The following ADGRA1 variants were observed in gnomAD, a reference collection of about 807,000 sequenced individuals.
ADGRA1 encodes G-protein coupled receptor 123.
In ADGRA1, 12 loss-of-function variants were observed where a neutral mutation model predicts 21.3. That is an observed-to-expected ratio of 0.56 (90% confidence interval 0.36 to 0.91). ADGRA1 has a LOEUF of 0.91. Ranked by LOEUF, ADGRA1 falls within the 40% of genes least tolerant of loss-of-function variation. The pLI, the probability that ADGRA1 is intolerant of heterozygous loss-of-function variation, is 0.01. For synonymous variants in ADGRA1, 385 were observed against 368.8 expected, an observed-to-expected ratio of 1.04 and a Z score of -0.50; for missense variants, 790 against 805.6, an observed-to-expected ratio of 0.98 and a Z score of 0.23.
At chr10:133,106,658 C>T (rs1013486695) in intron 5 of ADGRA1, among the ~76,000 whole-genome samples, 6 of 152,244 alleles carry the variant, frequency 3.9e-5, no homozygotes, top group African/African-American at 7.2e-5. Context: ...TTCCCCGCAT[C>T]GGGGGTACGG....
intron 4 of ADGRA1, among the ~76,000 whole-genome samples, chr10:133,100,664 A>G (rs981491624): frequency 6.6e-6 from 1 of 152,230 alleles, no homozygotes; most frequent in African/African-American, 2.4e-5. Context: ...GCCTATCTCC[A>G]GATGCTGTCC....
At chr10:133,103,798 TC>T (rs906922291) in intron 5 of ADGRA1, among the ~76,000 whole-genome samples, 6 of 152,212 alleles carry the variant, frequency 3.9e-5, no homozygotes, top group Admixed American at 3.3e-4. Context: ...CTTTGGTGTT[TC>T]CTTTTCTGAA....
chr10:133,088,521 G>T, intron 1 of ADGRA1, 187 bp from the exon 2 acceptor site: 1 of 245,670 alleles, frequency 4.1e-6, no homozygotes, highest in Non-Finnish European at 7.6e-6. Context: ...CCGCTGGCGC[G>T]TTCGGTCCGA....
Position 133,129,490 on chromosome 10 carries a change from G to C in ADGRA1, c.1662G>C (p.Trp554Cys). Residue 554 changes from tryptophan (W) to cysteine (C), a missense_variant, in exon 7 of 7, where the codon TGG (tryptophan) becomes TGC (cysteine). Physicochemically the swap from Trp to Cys is radical, Grantham distance 215. Around this residue, in one of 3 missense-constraint regions of ADGRA1, gnomAD observed 391 missense variants for 351.5 expected, o/e 1.11. Coordinates refer to ENST00000392607, the MANE Select transcript of ADGRA1 (RefSeq NM_001083909.3). ...DGTGNIRTGP[W>C]KNETTV ...CCGGCAACATCCGAACGGGACCCTG[G>C]AAAAACGAAACTACTGTGTAGATGG... 2 of 1,596,312 alleles carry C rather than the reference G, an allele frequency of 1.3e-6. No homozygotes were observed. The highest frequency in any genetic ancestry group is 1.7e-6 in the Non-Finnish European group (2 of 1,178,512).
In ADGRA1 at chr10:133,097,004, T is replaced by A. The variant is rs918936758; in HGVS notation, c.34T>A (p.Tyr12Asn). 1 of 1,613,278 alleles carries A rather than the reference T, an allele frequency of 6.2e-7. No homozygotes were observed. The highest frequency in any genetic ancestry group is 1.7e-5 in the Admixed American group (1 of 59,994). Residue 12 changes from tyrosine to asparagine, a missense_variant, in exon 3 of 7, where the codon TAC (tyrosine) becomes AAC (asparagine). Tyr to Asn is a moderately radical substitution (Grantham distance 143, BLOSUM62 -2). Transcript: ENST00000392607. ...GAAGACAGTGCTCTCCCTGCCCCGCTACCCAGGGGAGTTCCTGCACCCCGT... is the reference window on the plus strand; with the variant it reads ...GAAGACAGTGCTCTCCCTGCCCCGCAACCCAGGGGAGTTCCTGCACCCCGT... ...DLKTVLSLPR[Y>N]PGEFLHPVVY...
rs1371936351 is a variant in ADGRA1 at position 133,128,653 on chromosome 10, G to A, written c.825G>A (p.Leu275=). ...CGGCCACGTGGGCCTTCGGGGCGCTGGCGGTGTCACAGGGCCACTTCCTGG... is the reference window on the plus strand; with the variant it reads ...CGGCCACGTGGGCCTTCGGGGCGCTAGCGGTGTCACAGGGCCACTTCCTGG... The part of the protein sequence containing the change: ...LFTATWAFGA[L]AVSQGHFLDM... Residue 275 remains leucine, a synonymous_variant, in exon 7 of 7, where the codon CTG becomes CTA. Transcript: ENST00000392607. 1 of 1,609,232 alleles carries A rather than the reference G, an allele frequency of 6.2e-7. No homozygotes were observed. Among genetic ancestry groups the A allele is most frequent in the Non-Finnish European group, 8.5e-7 (1 of 1,178,988 alleles).
At chr10:133,124,013 G>A (rs531243543) in intron 5 of ADGRA1, among the ~76,000 whole-genome samples, 51 of 152,302 alleles carry the variant, frequency 3.3e-4, no homozygotes, top group Middle Eastern at 3.4e-3. Context: ...ACATAGGACC[G>A]AGCTCTTGTT....
chr10:133,109,233 C>T (rs957669889), intron 5 of ADGRA1, among the ~76,000 whole-genome samples: 3 of 152,142 alleles, frequency 2.0e-5, no homozygotes, highest in African/African-American at 7.2e-5. Flanking sequence ...GCCACACCTC[C>T]AGGCCCAGGA....
rs575799842 is a variant in ADGRA1, at chr10:133,098,413, G to A, written c.132-227G>A. ...CAGGCTTCTGCAAACCCCTTCCAGCGTCAGTGTGCCAGGGTGACGTAAGGC... is the reference window on the plus strand; with the variant it reads ...CAGGCTTCTGCAAACCCCTTCCAGCATCAGTGTGCCAGGGTGACGTAAGGC... On this transcript the variant is annotated intron_variant, in intron 3 of 6. Transcript: ENST00000392607. Among the ~76,000 whole-genome samples, 6 of 152,264 alleles carry A rather than the reference G, an allele frequency of 3.9e-5. No homozygotes were observed. The East Asian group carries it at 7.7e-4, about 20-fold the overall frequency.
intron 5 of ADGRA1, among the ~76,000 whole-genome samples, chr10:133,124,640 C>T (rs1446087798): frequency 1.3e-5 from 2 of 152,244 alleles, no homozygotes; most frequent in Non-Finnish European, 2.9e-5. Context: ...GTGACAGATT[C>T]GTCAGCGCCC....
chr10:133,100,418 C>T lies in ADGRA1; in HGVS notation c.255+1655C>T, dbSNP rs556793803. Among the ~76,000 whole-genome samples the T allele has an allele frequency of 1.1e-3, 166 of 152,360 alleles. 1 individual carries two copies. The highest frequency in any genetic ancestry group is 1.5e-3 in the Admixed American group (23 of 15,312). On this transcript the variant is annotated intron_variant, in intron 4 of 6. Coordinates refer to ENST00000392607, the MANE Select transcript of ADGRA1 (RefSeq NM_001083909.3). ...ACACTGGGATGAAGCCTGCTGGATC[C>T]GCGGGTGAGGCCCCCCGAGGGCCTT...
At chr10:133,112,484 CGGTT>C (rs1591180569) in intron 5 of ADGRA1, among the ~76,000 whole-genome samples, 1 of 146,490 alleles carries the variant, frequency 6.8e-6, no homozygotes, top group South Asian at 2.2e-4. Context: ...CGGGCCGCGT[CGGTT>C]ATTTGGGGTC....
rs769869358 is a variant in ADGRA1 at position 133,100,529 on chromosome 10, C to T, written c.255+1766C>T. On this transcript the variant is annotated intron_variant, in intron 4 of 6. Coordinates refer to ENST00000392607, the MANE Select transcript of ADGRA1 (RefSeq NM_001083909.3). ...GGGGCCCAGGCCTGCGGTGACAGCT[C>T]GGGGCGGATGCTGGGGTGTTGGGGC... is the stretch of plus-strand genomic sequence containing the variant. 4.6e-5 allele frequency among the ~76,000 whole-genome samples: 7 copies of T among 152,302 alleles called. No homozygotes were observed. The South Asian group carries it at 6.2e-4, about 14-fold the overall frequency.
At position 133,088,114 on chromosome 10, in the gene ADGRA1, C is replaced by G. The variant is rs1276240317; in HGVS notation, c.-227C>G. ...TCTCCGGGAGCGCGGCCCGGCCGCC[C>G]CGGCAGCCGCTTCGGCCACAGCAGG... On this transcript the variant is annotated 5_prime_UTR_variant, in exon 1 of 7. Coordinates refer to ENST00000392607, the MANE Select transcript of ADGRA1 (RefSeq NM_001083909.3). 1.9e-5 allele frequency: 19 copies of G among 984,924 alleles called. No homozygotes were observed. The highest frequency in any genetic ancestry group is 2.2e-5 in the Non-Finnish European group (18 of 829,758). 61.0% of individuals were successfully genotyped at this position (984,924 alleles called of 1,614,324 possible).
chr10:133,101,392 G>T (rs755072411), intron 4 of ADGRA1, among the ~76,000 whole-genome samples: 1 of 152,212 alleles, frequency 6.6e-6, no homozygotes, highest in Non-Finnish European at 1.5e-5. Flanking sequence ...AGAGACAGGC[G>T]CTGGCCCTGG....
chr10:133,102,445 G>A, intron 4 of ADGRA1: 1 of 628,004 alleles, frequency 1.6e-6, no homozygotes, highest in Non-Finnish European at 3.0e-6. Context: ...CAGGCCCATG[G>A]GTCCCCACAG....
intron 2 of ADGRA1, among the ~76,000 whole-genome samples, chr10:133,090,292 G>C (rs556873661): frequency 6.6e-6 from 1 of 152,272 alleles, no homozygotes; most frequent in Admixed American, 6.5e-5. Flanking sequence ...CCTGGCTCCT[G>C]GTGGAGCTTC....
intron 2 of ADGRA1, among the ~76,000 whole-genome samples, chr10:133,090,711 C>T (rs539828286): frequency 6.6e-6 from 1 of 152,060 alleles, no homozygotes; most frequent in African/African-American, 2.4e-5. Context: ...CACTGCTGTG[C>T]TCTGGGGGGC....
intron 2 of ADGRA1, among the ~76,000 whole-genome samples, 157 bp from the exon 3 acceptor site, chr10:133,096,817 C>T (rs770368042): frequency 3.9e-5 from 6 of 152,240 alleles, no homozygotes; most frequent in Non-Finnish European, 7.3e-5. Flanking sequence ...GCAGCCTGAC[C>T]GTACCTCCCC....
Sources: gnomAD v4.1 joint callset for allele counts (sites outside exome capture counted in the v4.1 genomes callset) on GRCh38, gnomAD v4.1.1 for gene constraint, gnomAD v4.1.1 regional missense constraint, MANE v1.5 for transcripts, NCBI Gene and HGNC (gene_info 2026-07-23, HGNC 2026-07-21) for gene names.